Variants in COP1 observed in about 807,000 individuals in gnomAD.
The protein encoded by COP1 is COP1 E3 ubiquitin ligase.
COP1 carries 24 observed loss-of-function variants against 101.3 expected under a neutral mutation model. The observed-to-expected ratio is 0.24, with a 90% CI of 0.17 to 0.33. The LOEUF is 0.33. Among genes scored for constraint, COP1 ranks in the 10% least tolerant of loss-of-function variants. The pLI is 1.00. For missense variants in COP1, 663 were observed against 906.2 expected (o/e 0.73, Z 3.45); for synonymous variants, 347 against 341.9 (o/e 1.01, Z -0.17).
intron 12 of COP1, among the ~76,000 whole-genome samples, chr1:176,044,800 G>A (rs941828244): frequency 3.9e-5 from 6 of 151,912 alleles, no homozygotes; most frequent in South Asian, 4.2e-4. Flanking sequence ...AGCCTTGAGC[G>A]CTTTCACCAT....
chr1:176,170,298 G>T (rs1695839488), intron 3 of COP1, among the ~76,000 whole-genome samples: 1 of 152,026 alleles, frequency 6.6e-6, no homozygotes, highest in African/African-American at 2.4e-5. Flanking sequence ...CTTTCCAAAA[G>T]GTTTTCCATT....
chr1:176,127,481 A>C (rs939625181), intron 8 of COP1, among the ~76,000 whole-genome samples: 3 of 152,000 alleles, frequency 2.0e-5, no homozygotes, highest in Non-Finnish European at 4.4e-5. Flanking sequence ...ATTTCACTTA[A>C]CATAATGTCA....
intron 2 of COP1, 90 bp from the exon 3 acceptor site, chr1:176,176,097 C>G: frequency 1.5e-6 from 1 of 663,590 alleles, no homozygotes. Flanking sequence ...GTCTTCTATT[C>G]CTCATTTTCA....
chr1:176,137,528 A>T (rs1377533009), intron 6 of COP1, among the ~76,000 whole-genome samples: 1 of 152,184 alleles, frequency 6.6e-6, no homozygotes, highest in Non-Finnish European at 1.5e-5. Context: ...TTATAAATGT[A>T]AAATATTAAC....
chr1:176,197,785 C>G (rs566192330), intron 1 of COP1, among the ~76,000 whole-genome samples: 3 of 151,762 alleles, frequency 2.0e-5, no homozygotes, highest in Non-Finnish European at 4.4e-5. Flanking sequence ...TAGGTTCTAC[C>G]AAAAAATTAT....
intron 16 of COP1, chr1:175,989,019 T>C: frequency 5.6e-6 from 1 of 178,972 alleles, no homozygotes; most frequent in Non-Finnish European, 1.2e-5. Context: ...CTTCTCATTC[T>C]ATTGCATCAA....
rs10531356 is a variant in COP1 at position 176,119,641 on chromosome 1, TACAC to T, written c.969-2964_969-2961del. Among the ~76,000 whole-genome samples, 96 of 149,704 alleles carry T rather than the reference TACAC, an allele frequency of 6.4e-4. 1 individual carries two copies. Among genetic ancestry groups the T allele is most frequent in the South Asian group, 3.8e-3 (18 of 4,734 alleles). On this transcript the variant is annotated intron_variant, in intron 8 of 19. Coordinates refer to ENST00000367669, the MANE Select transcript of COP1 (RefSeq NM_022457.7). ...GCTTAATATATACATTATACATTCATACACACACACACACACACACACATATAGA... is the reference window on the plus strand; with the variant it reads ...GCTTAATATATACATTATACATTCATACACACACACACACACACATATAGA...
intron 15 of COP1, among the ~76,000 whole-genome samples, chr1:176,012,801 G>A (rs1045449541): frequency 1.3e-4 from 20 of 152,134 alleles, no homozygotes; most frequent in Admixed American, 7.9e-4. Flanking sequence ...TGTAGCCTAG[G>A]AGTATTAGGC....
At chr1:176,014,949 C>T (rs983210078) in intron 15 of COP1, among the ~76,000 whole-genome samples, 18 of 151,964 alleles carry the variant, frequency 1.2e-4, no homozygotes, top group African/African-American at 4.1e-4. Flanking sequence ...TAAAGTCAGA[C>T]AAAAACAATT....
chr1:176,036,381 T>C (rs1005656710), intron 14 of COP1, among the ~76,000 whole-genome samples: 1 of 151,476 alleles, frequency 6.6e-6, no homozygotes, highest in Non-Finnish European at 1.5e-5. Context: ...AAGAACCTAA[T>C]GCCAAGCTGA....
chr1:176,056,471 A>C (rs529167752), intron 11 of COP1, among the ~76,000 whole-genome samples: 2 of 152,260 alleles, frequency 1.3e-5, no homozygotes, highest in East Asian at 3.9e-4. Context: ...AATTAGACTT[A>C]AACTTCAGTG....
rs1700937457 is a variant in COP1 at position 176,207,038 on chromosome 1, C to T, written c.-60G>A. ...GAGAGGGACCGCGACCTCGACCCTCCGCCGCCTCCCCTCCCCTCAGCCTCA... is the reference window on the plus strand; with the variant it reads ...GAGAGGGACCGCGACCTCGACCCTCTGCCGCCTCCCCTCCCCTCAGCCTCA... On this transcript the variant is annotated 5_prime_UTR_variant, in exon 1 of 20. Coordinates refer to ENST00000367669, the MANE Select transcript of COP1 (RefSeq NM_022457.7). 2.3e-6 allele frequency: 3 copies of T among 1,295,320 alleles called. No individual in the cohort carries two copies. The highest frequency in any genetic ancestry group is 3.0e-6 in the Non-Finnish European group (3 of 1,011,328). The allele number at this position is 1,295,320 out of a possible 1,614,324, so 80.2% of individuals were successfully genotyped here.
chr1:176,181,016 G>C (rs704829), intron 2 of COP1, among the ~76,000 whole-genome samples: 42,994 of 152,118 alleles, frequency 0.28, 6,911 homozygotes, highest in East Asian at 0.52. Flanking sequence ...ACAAGCTGGA[G>C]GCAGCAAATG....
intron 11 of COP1, among the ~76,000 whole-genome samples, chr1:176,068,660 T>C (rs1676448314): frequency 6.6e-6 from 1 of 152,226 alleles, no homozygotes; most frequent in Non-Finnish European, 1.5e-5. Flanking sequence ...ACATGAAACC[T>C]TGAATGAATG....
chr1:176,026,530 C>T lies in COP1; in HGVS notation c.1729+1042G>A, dbSNP rs12092677. Among the ~76,000 whole-genome samples the T allele has an allele frequency of 5.5e-3, 832 of 151,956 alleles. 10 individuals carry two copies. Among genetic ancestry groups the T allele is most frequent in the African/African-American group, 0.019 (792 of 41,452 alleles). ...TATTTAAACAAGACAGAAGTAGGATCAAATGAAAACAGCATGTAATCATTA... is the reference window on the plus strand; with the variant it reads ...TATTTAAACAAGACAGAAGTAGGATTAAATGAAAACAGCATGTAATCATTA... On this transcript the variant is annotated intron_variant, in intron 15 of 19. Transcript: ENST00000367669.
chr1:176,001,587 T>G (rs1376885763), intron 15 of COP1, among the ~76,000 whole-genome samples: 4 of 152,154 alleles, frequency 2.6e-5, no homozygotes, highest in Non-Finnish European at 5.9e-5. Context: ...CACCAGCAAG[T>G]ATTCTCAGGG....
At position 176,147,265 on chromosome 1, in the gene COP1, T is replaced by C. The variant is rs1485256219; in HGVS notation, c.831+1741A>G. Among the ~76,000 whole-genome samples, 2 of 152,200 alleles carry C rather than the reference T, an allele frequency of 1.3e-5. 1 individual carries two copies. The highest frequency in any genetic ancestry group is 4.1e-4 in the South Asian group (2 of 4,834). ...ATATAACCACTCACTTCAATCTGTC[T>C]GCACTAAAACATATTTTCTAGACTA... is the stretch of plus-strand genomic sequence containing the variant. On this transcript the variant is annotated intron_variant, in intron 6 of 19. Coordinates refer to ENST00000367669, the MANE Select transcript of COP1 (RefSeq NM_022457.7).
At chr1:176,003,492 T>A (rs943134437) in intron 15 of COP1, among the ~76,000 whole-genome samples, 1 of 151,958 alleles carries the variant, frequency 6.6e-6, no homozygotes, top group Admixed American at 6.6e-5. Context: ...AGGTCTAACA[T>A]GTAAGTCTTT....
chr1:175,994,946 T>C (rs1659732218), intron 15 of COP1, among the ~76,000 whole-genome samples: 1 of 152,182 alleles, frequency 6.6e-6, no homozygotes, highest in South Asian at 2.1e-4. Flanking sequence ...ATATACATTT[T>C]TTTCAGCACC....
Sources: allele counts gnomAD v4.1 joint callset (sites outside exome capture counted in the v4.1 genomes callset), GRCh38; gene constraint gnomAD v4.1.1; transcripts MANE v1.5; gene names NCBI Gene and HGNC (gene_info 2026-07-23, HGNC 2026-07-21).